SMAP1: variants seen among roughly 807,000 people sequenced by gnomAD.
SMAP1 encodes stromal membrane-associated protein 1.
SMAP1 carries 24 observed loss-of-function variants against 58.5 expected under a neutral mutation model. The ratio of observed to expected loss-of-function variants is 0.41; its 90% CI spans 0.30 to 0.58. SMAP1 has a LOEUF of 0.58. Ranked by LOEUF, SMAP1 falls within the 20% of genes least tolerant of loss-of-function variation. SMAP1 has a pLI of 0.29. For missense variants in SMAP1, 563 were observed against 566.3 expected, an observed-to-expected ratio of 0.99 and a Z score of 0.06; for synonymous variants, 216 against 196.6, an observed-to-expected ratio of 1.10 and a Z score of -0.82.
intron 5 of SMAP1, among the ~76,000 whole-genome samples, chr6:70,792,897 G>A (rs942003752): frequency 2.6e-5 from 4 of 152,070 alleles, no homozygotes; most frequent in Non-Finnish European, 4.4e-5. Context: ...TACAGGCTCC[G>A]TGGGGAGTGA....
intron 2 of SMAP1, among the ~76,000 whole-genome samples, chr6:70,749,923 C>CA (rs1468100303): frequency 3.9e-5 from 6 of 152,210 alleles, no homozygotes; most frequent in African/African-American, 1.4e-4. Flanking sequence ...GTAGATTATT[C>CA]ACTTAGAGAC....
chr6:70,839,360 A>AC (rs955851475), intron 7 of SMAP1, among the ~76,000 whole-genome samples: 1 of 152,068 alleles, frequency 6.6e-6, no homozygotes, highest in Admixed American at 6.6e-5. Context: ...TTGTGGCAGC[A>AC]CCCTTCTTGT....
At chr6:70,744,173 C>CT (rs11376216) in intron 2 of SMAP1, among the ~76,000 whole-genome samples, 47,557 of 144,966 alleles carry the variant, frequency 0.33, 8,697 homozygotes, top group East Asian at 0.76. Flanking sequence ...ACTCCTAATT[C>CT]TTTTTTTTTT....
chr6:70,771,071 G>A (rs986505878), intron 3 of SMAP1, among the ~76,000 whole-genome samples: 12 of 151,628 alleles, frequency 7.9e-5, no homozygotes, highest in East Asian at 1.9e-4. Flanking sequence ...GCGGATTTTC[G>A]TGAACCATGA....
At chr6:70,836,370 C>T (rs898573097) in intron 6 of SMAP1, among the ~76,000 whole-genome samples, 12 of 152,200 alleles carry the variant, frequency 7.9e-5, no homozygotes, top group African/African-American at 7.2e-5. Context: ...GACCCGCCCC[C>T]GTGATTTAAT....
rs1335716728 is a variant in SMAP1 at position 70,860,290 on chromosome 6, G to A, written c.1360G>A (p.Gly454Arg). 1.9e-6 allele frequency: 3 copies of A among 1,613,644 alleles called. No homozygotes were observed. The highest frequency in any genetic ancestry group is 2.5e-6 in the Non-Finnish European group (3 of 1,179,798). ...CTCCAGCACAACAGCAGGATGGTCT[G>A]GAAGCTCATCAGGTCAGACTCTCAG... ...QPSSTTAGWS[G>R]SSSGQTLSTQ... The change falls in exon 11 of 11, where the codon GGA becomes AGA. Residue 454 changes from glycine (G) to arginine (R), a missense_variant. By Grantham distance (125) the Gly-to-Arg change is moderately radical. Transcript: ENST00000370455.
chr6:70,748,011 C>T lies in SMAP1; in HGVS notation c.253-6969C>T, dbSNP rs530388549. Among the ~76,000 whole-genome samples the T allele has an allele frequency of 4.6e-5, 7 of 152,158 alleles. No individual in the cohort carries two copies. In the South Asian group the frequency reaches 1.5e-3, roughly 32 times the overall value. The stretch of plus-strand genomic sequence containing the variant: ...TCCCCTAAAAAACAAGTTTATGAAA[C>T]TGAAGGAATGGACTCTGTATTAAAT... On this transcript the variant is annotated intron_variant, in intron 2 of 10. Coordinates refer to ENST00000370455, the MANE Select transcript of SMAP1 (RefSeq NM_001044305.3).
At chr6:70,688,560 C>T (rs146952127) in intron 1 of SMAP1, among the ~76,000 whole-genome samples, 1 of 152,148 alleles carries the variant, frequency 6.6e-6, no homozygotes, top group Non-Finnish European at 1.5e-5. Flanking sequence ...TGTTGAACAT[C>T]TTTTCATGTG....
rs987221418 is a variant in SMAP1, at chr6:70,794,908, C to T, written c.495+3139C>T. Among the ~76,000 whole-genome samples, 4 of 151,870 alleles carry T rather than the reference C, an allele frequency of 2.6e-5. No homozygotes were observed. The East Asian group carries it at 7.7e-4, about 29-fold the overall frequency. ...GGTTCACGCCATTCTCCTGCCTCAG[C>T]CTCCCGAGTAGCTGGGACTGCAGGT... On this transcript the variant is annotated intron_variant, in intron 5 of 10. Transcript: ENST00000370455.
intron 1 of SMAP1, among the ~76,000 whole-genome samples, chr6:70,727,779 G>C (rs1244881122): frequency 6.6e-6 from 1 of 152,104 alleles, no homozygotes; most frequent in Non-Finnish European, 1.5e-5. Context: ...AATTCACACT[G>C]ACCGTGTGCA....
intron 3 of SMAP1, among the ~76,000 whole-genome samples, chr6:70,771,548 T>G (rs1767312195): frequency 6.6e-6 from 1 of 152,156 alleles, no homozygotes; most frequent in South Asian, 2.1e-4. Flanking sequence ...CGTAGGACCC[T>G]CCGAGCCAGG....
At chr6:70,770,362 T>C (rs189369237) in intron 3 of SMAP1, among the ~76,000 whole-genome samples, 49 of 152,328 alleles carry the variant, frequency 3.2e-4, no homozygotes, top group Middle Eastern at 3.4e-3. Flanking sequence ...TTGGTTCCAT[T>C]CTCCCCGTCA....
At chr6:70,770,069 T>A (rs975883154) in intron 3 of SMAP1, among the ~76,000 whole-genome samples, 3 of 151,662 alleles carry the variant, frequency 2.0e-5, no homozygotes, top group Admixed American at 2.0e-4. Flanking sequence ...GAATGTTGAA[T>A]ATTGGCCCCC....
At chr6:70,684,910 C>T (rs2066595687) in intron 1 of SMAP1, among the ~76,000 whole-genome samples, 1 of 152,160 alleles carries the variant, frequency 6.6e-6, no homozygotes, top group Admixed American at 6.5e-5. Flanking sequence ...CTCAGCTCTC[C>T]CACTGCTGAC....
intron 6 of SMAP1, among the ~76,000 whole-genome samples, chr6:70,802,270 T>C (rs1370970372): frequency 4.6e-5 from 7 of 152,204 alleles, no homozygotes; most frequent in African/African-American, 1.7e-4. Flanking sequence ...TTATTCTCTT[T>C]GTAGCAGTTG....
chr6:70,710,877 G>A (rs1562107451), intron 1 of SMAP1, among the ~76,000 whole-genome samples: 1 of 151,576 alleles, frequency 6.6e-6, no homozygotes, highest in Non-Finnish European at 1.5e-5. Context: ...TACTTTTTAA[G>A]CTTTTTTTGT....
At chr6:70,804,986 G>A (rs986536145) in intron 6 of SMAP1, among the ~76,000 whole-genome samples, 6 of 150,674 alleles carry the variant, frequency 4.0e-5, no homozygotes, top group African/African-American at 1.2e-4. Context: ...GTCTTGGGTT[G>A]CTCTTCTTGA....
At position 70,790,944 on chromosome 6, in the gene SMAP1, C is replaced by T. The variant is rs546568880; in HGVS notation, c.415-745C>T. On this transcript the variant is annotated intron_variant, in intron 4 of 10. Transcript: ENST00000370455. ...ATGCTTCCATTAAAGTGATCAACTACGCATGCAGAAATTGGGCAGGAAGAT... is the reference window on the plus strand; with the variant it reads ...ATGCTTCCATTAAAGTGATCAACTATGCATGCAGAAATTGGGCAGGAAGAT... Among the ~76,000 whole-genome samples, 7 of 152,240 alleles carry T rather than the reference C, an allele frequency of 4.6e-5. No individual in the cohort carries two copies. In the South Asian group the frequency reaches 6.2e-4, roughly 14 times the overall value.
intron 2 of SMAP1, among the ~76,000 whole-genome samples, chr6:70,749,166 T>C (rs1370066326): frequency 1.3e-5 from 2 of 152,128 alleles, no homozygotes; most frequent in Non-Finnish European, 2.9e-5. Context: ...GCACATCTTA[T>C]ATGGCAGCAG....
Sources: allele counts gnomAD v4.1 joint callset (sites outside exome capture counted in the v4.1 genomes callset), GRCh38; gene constraint gnomAD v4.1.1; transcripts MANE v1.5; gene names NCBI Gene and HGNC (gene_info 2026-07-23, HGNC 2026-07-21).